SYN3: variants seen among roughly 807,000 people sequenced by gnomAD.
SYN3 encodes the protein synapsin III.
SYN3 carries 35 observed loss-of-function variants against 65.8 expected under a neutral mutation model. That is an observed-to-expected ratio of 0.53 (90% CI 0.41 to 0.70). The LOEUF (loss-of-function observed/expected upper bound fraction) is 0.70, where lower values mean the gene tolerates loss of function less well. Among genes scored for constraint, SYN3 ranks in the 30% least tolerant of loss-of-function variants. The pLI, the probability that SYN3 is intolerant of heterozygous loss-of-function variation, is 0.00. For synonymous variants in SYN3, 270 were observed against 292.9 expected (o/e 0.92, Z 0.80); for missense variants, 680 against 749.0 (o/e 0.91, Z 1.08).
In SYN3 at chr22:32,843,929, T is replaced by TTG. The variant is rs146581623; in HGVS notation, c.711+20984_711+20985dup. On this transcript the variant is annotated intron_variant, in intron 6 of 13. Transcript: ENST00000358763. ...CTTTGGAGAGACAGGAATGGGGGTG[T>TTG]TGTGTGTGTGTGTGGGGTGGCGGTG... 5.9e-5 allele frequency among the ~76,000 whole-genome samples: 9 copies of TTG among 151,518 alleles called. No homozygotes were observed. The East Asian group carries it at 1.6e-3, about 26-fold the overall frequency.
intron 11 of SYN3, among the ~76,000 whole-genome samples, chr22:32,528,510 C>T (rs2058018958): frequency 6.6e-6 from 1 of 152,194 alleles, no homozygotes; most frequent in Admixed American, 6.5e-5. Context: ...ACACAGAGGG[C>T]TTGTGTGTCC....
At chr22:32,712,395 C>T (rs560312206) in intron 6 of SYN3, among the ~76,000 whole-genome samples, 109 of 152,294 alleles carry the variant, frequency 7.2e-4, no homozygotes, top group South Asian at 6.2e-3. Context: ...CTTCATGGGA[C>T]GTGTCTAGGG....
intron 3 of SYN3, among the ~76,000 whole-genome samples, chr22:32,951,606 T>G (rs913691503): frequency 6.6e-6 from 1 of 152,224 alleles, no homozygotes; most frequent in Non-Finnish European, 1.5e-5. Flanking sequence ...ATTTTGCAGA[T>G]GTCAAAGATA....
At chr22:32,805,856 T>C (rs2046719952) in intron 6 of SYN3, among the ~76,000 whole-genome samples, 1 of 152,078 alleles carries the variant, frequency 6.6e-6, no homozygotes, top group Non-Finnish European at 1.5e-5. Context: ...GAAGAATGCT[T>C]TTCTTCTACA....
chr22:32,911,199 CAGAA>C (rs2050042275), intron 4 of SYN3, among the ~76,000 whole-genome samples: 1 of 152,198 alleles, frequency 6.6e-6, no homozygotes, highest in Non-Finnish European at 1.5e-5. Flanking sequence ...AGATCCCACA[CAGAA>C]AGGAGGTATT....
At chr22:32,864,810 T>C (rs1441506908) in intron 6 of SYN3, 105 bp downstream of exon 6, 1 of 1,047,034 alleles carries the variant, frequency 9.6e-7, no homozygotes, top group Non-Finnish European at 1.5e-6. Context: ...GCGTGGTCAG[T>C]GTACAACCCC....
In SYN3 at chr22:32,577,447, C is replaced by T. The variant is rs1046889869; in HGVS notation, c.774+19227G>A. Reference sequence around the variant, plus strand: ...CTAGAAAGGGACCCCCTTGGGAGGCCCAATGTCCATTCATCTTTGGATCCT... The same window carrying T: ...CTAGAAAGGGACCCCCTTGGGAGGCTCAATGTCCATTCATCTTTGGATCCT... On this transcript the variant is annotated intron_variant, in intron 7 of 13. Coordinates refer to ENST00000358763, the MANE Select transcript of SYN3 (RefSeq NM_003490.4). 4.6e-5 allele frequency among the ~76,000 whole-genome samples: 7 copies of T among 152,264 alleles called. 1 individual carries two copies. The South Asian group carries it at 1.5e-3, about 32-fold the overall frequency.
chr22:32,589,828 T>A (rs1211563720), intron 7 of SYN3, among the ~76,000 whole-genome samples: 1 of 152,164 alleles, frequency 6.6e-6, no homozygotes, highest in African/African-American at 2.4e-5. Flanking sequence ...TGGTTCATTC[T>A]TCCATACATT....
At chr22:33,030,410 CAG>C (rs1320155578) in intron 1 of SYN3, among the ~76,000 whole-genome samples, 1 of 152,000 alleles carries the variant, frequency 6.6e-6, no homozygotes, top group African/African-American at 2.4e-5. Flanking sequence ...AAGCTATTGA[CAG>C]GGGAGGGAGA....
intron 7 of SYN3, among the ~76,000 whole-genome samples, chr22:32,546,265 A>G (rs2058334490): frequency 6.6e-6 from 1 of 152,272 alleles, no homozygotes; most frequent in South Asian, 2.1e-4. Context: ...CAGATTGTAC[A>G]TGCTCTACAC....
chr22:32,980,780 C>G (rs2052348402), intron 2 of SYN3, 78 bp from the exon 3 acceptor site: 3 of 1,306,492 alleles, frequency 2.3e-6, no homozygotes, highest in Non-Finnish European at 3.3e-6. Context: ...AGGCCTTACC[C>G]CAGAGGTGCA....
intron 3 of SYN3, among the ~76,000 whole-genome samples, chr22:32,950,068 A>G (rs2051244762): frequency 6.6e-6 from 1 of 152,216 alleles, no homozygotes; most frequent in Non-Finnish European, 1.5e-5. Flanking sequence ...GTGAAGAAGT[A>G]TCTGGTCCAG....
At chr22:32,946,302 T>A (rs572065666) in intron 3 of SYN3, among the ~76,000 whole-genome samples, 2 of 152,160 alleles carry the variant, frequency 1.3e-5, no homozygotes, top group South Asian at 2.1e-4. Flanking sequence ...CAAATGTCCA[T>A]CAATGATAGA....
At chr22:32,841,992 A>G (rs1226079248) in intron 6 of SYN3, among the ~76,000 whole-genome samples, 2 of 152,174 alleles carry the variant, frequency 1.3e-5, no homozygotes, top group Non-Finnish European at 2.9e-5. Flanking sequence ...CGATGACCGG[A>G]CTGAGCACCA....
chr22:32,622,160 G>A (rs1250344231), intron 6 of SYN3, among the ~76,000 whole-genome samples: 3 of 152,022 alleles, frequency 2.0e-5, no homozygotes, highest in South Asian at 4.2e-4. Flanking sequence ...AAAACCAGCC[G>A]ACTGGAAAAG....
At chr22:32,521,738 G>A (rs1009221889) in intron 12 of SYN3, among the ~76,000 whole-genome samples, 12 of 152,084 alleles carry the variant, frequency 7.9e-5, no homozygotes, top group East Asian at 3.9e-4. Flanking sequence ...GAGTCACCGC[G>A]CCCAGCTCAC....
chr22:33,002,374 T>C (rs2145778655), intron 2 of SYN3, among the ~76,000 whole-genome samples: 1 of 152,324 alleles, frequency 6.6e-6, no homozygotes, highest in South Asian at 2.1e-4. Context: ...CCAGGTGCGG[T>C]GGCTCACACC....
intron 6 of SYN3, among the ~76,000 whole-genome samples, chr22:32,750,141 TA>T: frequency 6.6e-6 from 1 of 152,292 alleles, no homozygotes; most frequent in South Asian, 2.1e-4. Flanking sequence ...AACAGACACA[TA>T]AATACATCAC....
At chr22:32,830,687 G>T (rs2047546870) in intron 6 of SYN3, among the ~76,000 whole-genome samples, 1 of 152,144 alleles carries the variant, frequency 6.6e-6, no homozygotes, top group African/African-American at 2.4e-5. Flanking sequence ...ATACCACTGT[G>T]TGTCTGTCCC....
Sources: gnomAD v4.1 joint callset for allele counts (sites outside exome capture counted in the v4.1 genomes callset) on GRCh38, gnomAD v4.1.1 for gene constraint, MANE v1.5 for transcripts, NCBI Gene and HGNC (gene_info 2026-07-23, HGNC 2026-07-21) for gene names.